The following CRACDL variants were observed in gnomAD, a reference collection of about 807,000 sequenced individuals.
The protein encoded by CRACDL is CRACD like, also known as CRACD-like protein.
CRACDL carries 26 observed loss-of-function variants against 70.6 expected under a neutral mutation model. That is an observed-to-expected ratio of 0.37 (90% confidence interval 0.27 to 0.51). CRACDL has a LOEUF of 0.51. CRACDL is among the 20% of genes least tolerant of loss of function. The pLI is 0.94. For missense variants in CRACDL, 1,283 were observed against 1,376.9 expected, an observed-to-expected ratio of 0.93 and a Z score of 1.08; for synonymous variants, 618 against 615.2, an observed-to-expected ratio of 1.00 and a Z score of -0.07.
intron 7 of CRACDL, among the ~76,000 whole-genome samples, chr2:98,803,737 T>C (rs1302442314): frequency 3.3e-5 from 5 of 152,232 alleles, no homozygotes; most frequent in Admixed American, 2.6e-4. Context: ...GGATCTAAAG[T>C]GGATCCATCA....
chr2:98,811,134 TG>T (rs1704538374), intron 7 of CRACDL, among the ~76,000 whole-genome samples: 1 of 151,994 alleles, frequency 6.6e-6, no homozygotes, highest in South Asian at 2.1e-4. Context: ...ATGAATCTGG[TG>T]GTGCGGTTCC....
chr2:98,873,533 G>T (rs1409710387), intron 1 of CRACDL, among the ~76,000 whole-genome samples: 2 of 152,262 alleles, frequency 1.3e-5, no homozygotes, highest in South Asian at 2.1e-4. Context: ...GCCTGGGACA[G>T]GGATACAGAA....
At chr2:98,832,774 A>G in intron 4 of CRACDL, 88 bp downstream of exon 4, 3 of 1,533,342 alleles carry the variant, frequency 2.0e-6, no homozygotes, top group South Asian at 2.3e-5. Context: ...TTTACAGCAT[A>G]TCAAATAAAC....
chr2:98,833,638 C>T (rs1054482827), intron 3 of CRACDL, among the ~76,000 whole-genome samples: 1 of 152,248 alleles, frequency 6.6e-6, no homozygotes, highest in Non-Finnish European at 1.5e-5. Flanking sequence ...GTCCTTTCCT[C>T]AGCTCTGAAC....
At chr2:98,843,758 C>A (rs1309626339) in intron 2 of CRACDL, among the ~76,000 whole-genome samples, 1 of 152,222 alleles carries the variant, frequency 6.6e-6, no homozygotes, top group African/African-American at 2.4e-5. Context: ...GTCTTGATTA[C>A]TGCAGCTTTA....
intron 7 of CRACDL, among the ~76,000 whole-genome samples, chr2:98,820,032 C>T (rs541991751): frequency 6.6e-6 from 1 of 151,318 alleles, no homozygotes; most frequent in Admixed American, 6.6e-5. Flanking sequence ...GTTGGCCAGG[C>T]TGGTCTTGAA....
chr2:98,854,552 G>T (rs1427800492), intron 1 of CRACDL, among the ~76,000 whole-genome samples: 2 of 151,840 alleles, frequency 1.3e-5, no homozygotes, highest in South Asian at 4.1e-4. Flanking sequence ...CTGGTAGAGA[G>T]AAAATATTCG....
intron 7 of CRACDL, among the ~76,000 whole-genome samples, chr2:98,798,247 T>C (rs1414105811): frequency 6.6e-6 from 1 of 151,898 alleles, no homozygotes; most frequent in East Asian, 1.9e-4. Flanking sequence ...TGGGAGACTG[T>C]GGCAGGACAA....
intron 1 of CRACDL, among the ~76,000 whole-genome samples, chr2:98,861,160 A>G (rs1438928353): frequency 6.6e-6 from 1 of 152,208 alleles, no homozygotes; most frequent in African/African-American, 2.4e-5. Flanking sequence ...CAGTCTGGCC[A>G]ACATGGTGAA....
At chr2:98,902,912 G>A (rs1320232856) in intron 1 of CRACDL, among the ~76,000 whole-genome samples, 2 of 152,062 alleles carry the variant, frequency 1.3e-5, no homozygotes, top group Admixed American at 6.5e-5. Flanking sequence ...AAAACGAACC[G>A]ACTGTCCTAG....
intron 2 of CRACDL, among the ~76,000 whole-genome samples, chr2:98,842,399 T>C (rs1706067300): frequency 2.0e-5 from 3 of 152,126 alleles, no homozygotes; most frequent in South Asian, 4.1e-4. Context: ...ATTACATTTA[T>C]TTCTAAAAAT....
rs767266089 is a variant in CRACDL, at chr2:98,823,574, G to T, written c.736-37C>A. 2.0e-5 allele frequency: 30 copies of T among 1,537,986 alleles called. 2 individuals are homozygous for T. The highest frequency in any genetic ancestry group is 1.2e-4 in the East Asian group (5 of 41,030). ...AAAGATAAAAAGCATCGTCGCTATA[G>T]CCAATTCCAGGAAGCCTGTCACCTC... On this transcript the variant is annotated intron_variant, in intron 6 of 9. Coordinates refer to ENST00000397899, the MANE Select transcript of CRACDL (RefSeq NM_207362.3). The surrounding 1 kb of genome is among the most constrained non-coding windows in gnomAD (Gnocchi z 4.0).
intron 1 of CRACDL, among the ~76,000 whole-genome samples, chr2:98,914,366 C>A (rs955935128): frequency 6.6e-6 from 1 of 152,208 alleles, no homozygotes; most frequent in African/African-American, 2.4e-5. Context: ...CTCCCTCCAC[C>A]CTCCCCTCAA....
Position 98,891,376 on chromosome 2 carries a change from C to CAAAAAAAAAAAAAAAAAAAAAAAAAAAA in CRACDL, c.-11+44534_-11+44561dup, listed in dbSNP as rs548988640. Among the ~76,000 whole-genome samples the CAAAAAAAAAAAAAAAAAAAAAAAAAAAA allele has an allele frequency of 1.8e-4, 7 of 37,900 alleles. 1 individual carries two copies. Among genetic ancestry groups the CAAAAAAAAAAAAAAAAAAAAAAAAAAAA allele is most frequent in the Non-Finnish European group, 3.1e-4 (6 of 19,452 alleles). The allele number at this position is 37,900 out of a possible 152,430, so 24.9% of individuals were successfully genotyped here. A position where few individuals can be genotyped will look rare whatever the true frequency, so the allele number is the denominator to read the frequency against. ...TGGGTGACAGAGGGAGACTCCGTCT[C>CAAAAAAAAAAAAAAAAAAAAAAAAAAAA]AAAAAAAAAAAAAAAAAAAAAAAAA... On this transcript the variant is annotated intron_variant, in intron 1 of 9. Transcript: ENST00000397899.
In CRACDL at chr2:98,823,269, C is replaced by G. The variant is rs997130982; in HGVS notation, c.1004G>C (p.Arg335Pro). The G allele has an allele frequency of 7.1e-7, 1 of 1,405,314 alleles. No homozygotes were observed. The allele number at this position is 1,405,314 out of a possible 1,614,324, so 87.1% of individuals were successfully genotyped here. A position where few individuals can be genotyped will look rare whatever the true frequency, so the allele number is the denominator to read the frequency against. Residue 335 changes from arginine to proline, a missense_variant, in exon 7 of 10, where the codon CGC becomes CCC. Physicochemically the swap from Arg to Pro is moderately radical, Grantham distance 103. Transcript: ENST00000397899. This position sits in a 1 kb window ranked among gnomAD's most constrained non-coding sequence, Gnocchi z 4.0. ...CTCGGCGAGCTCCGGGGTGGCCGGG[C>G]GGCTTGAGGGGTCCTCCCCGGGGAC... Reference protein sequence around the residue: ...GGVPGEDPSSRPATPELAEPE... With the variant: ...GGVPGEDPSSPPATPELAEPE...
chr2:98,804,219 C>T (rs1704197627), intron 7 of CRACDL, among the ~76,000 whole-genome samples: 1 of 152,182 alleles, frequency 6.6e-6, no homozygotes, highest in Non-Finnish European at 1.5e-5. Flanking sequence ...AAGAGCTTTT[C>T]AGGGCAGGCC....
intron 2 of CRACDL, among the ~76,000 whole-genome samples, chr2:98,840,364 C>G (rs1049443600): frequency 5.3e-5 from 8 of 152,224 alleles, no homozygotes; most frequent in African/African-American, 1.4e-4. Flanking sequence ...CAATAACATA[C>G]TCTGAATGAT....
chr2:98,925,346 ACT>A (rs1208478735), intron 1 of CRACDL, among the ~76,000 whole-genome samples: 2 of 152,178 alleles, frequency 1.3e-5, no homozygotes, highest in African/African-American at 2.4e-5. Flanking sequence ...ACTTCCTGAC[ACT>A]GTTTCCAAGT....
intron 5 of CRACDL, among the ~76,000 whole-genome samples, chr2:98,829,951 G>A (rs1311568121): frequency 3.3e-5 from 5 of 152,208 alleles, no homozygotes; most frequent in African/African-American, 1.2e-4. Flanking sequence ...AACCCTCTCA[G>A]GACACAGATT....
Sources: allele counts gnomAD v4.1 joint callset (sites outside exome capture counted in the v4.1 genomes callset), GRCh38; gene constraint gnomAD v4.1.1; non-coding constraint Gnocchi (gnomAD v3.1); transcripts MANE v1.5; gene names NCBI Gene and HGNC (gene_info 2026-07-23, HGNC 2026-07-21).